The following EFCAB3 variants were observed in gnomAD, a reference collection of about 807,000 sequenced individuals.
EFCAB3 encodes EF-hand calcium binding domain 3.
In EFCAB3, 36 loss-of-function variants were observed where a neutral mutation model predicts 42.2. The ratio of observed to expected loss-of-function variants is 0.85; its 90% CI spans 0.65 to 1.13. EFCAB3 has a LOEUF of 1.13. Ranked by LOEUF, EFCAB3 falls within the 50% of genes most tolerant of loss-of-function variation. The pLI, the probability that EFCAB3 is intolerant of heterozygous loss-of-function variation, is 0.00. For synonymous variants in EFCAB3, 170 were observed against 172.8 expected (o/e 0.98, Z 0.13); for missense variants, 418 against 505.1 (o/e 0.83, Z 1.65).
intron 1 of EFCAB3, chr17:62,381,742 G>A (rs144919445): frequency 5.5e-4 from 174 of 315,456 alleles, no homozygotes; most frequent in African/African-American, 3.6e-3. Context: ...GACATCAAGA[G>A]GATCCTGGAC....
At chr17:62,400,736 A>G (rs1427960250) in intron 6 of EFCAB3, among the ~76,000 whole-genome samples, 1 of 152,208 alleles carries the variant, frequency 6.6e-6, no homozygotes, top group Non-Finnish European at 1.5e-5. Context: ...TCATTTGGGT[A>G]TATACCCAGT....
chr17:62,396,296 T>C (rs1330366488), intron 6 of EFCAB3, among the ~76,000 whole-genome samples: 1 of 152,200 alleles, frequency 6.6e-6, no homozygotes, highest in Admixed American at 6.5e-5. Flanking sequence ...GGCTCATGCC[T>C]GTAATCCCAG....
intron 9 of EFCAB3, among the ~76,000 whole-genome samples, 163 bp from the exon 10 acceptor site, chr17:62,415,840 A>C (rs746486476): frequency 6.6e-6 from 1 of 152,166 alleles, no homozygotes; most frequent in Non-Finnish European, 1.5e-5. Flanking sequence ...TTGATTGTCC[A>C]TCACCTCCTA....
At chr17:62,386,069 A>C (rs2070248110) in intron 2 of EFCAB3, among the ~76,000 whole-genome samples, 1 of 152,024 alleles carries the variant, frequency 6.6e-6, no homozygotes, top group Non-Finnish European at 1.5e-5. Flanking sequence ...CCACAAAACT[A>C]TGAGATTTCA....
intron 1 of EFCAB3, chr17:62,381,626 C>T (rs1858422): frequency 0.096 from 17,495 of 181,412 alleles, 1,172 homozygotes; most frequent in South Asian, 0.22. Context: ...CAAGATCGCA[C>T]GCATGGAGGC....
At chr17:62,381,021 A>G (rs925564848) in intron 1 of EFCAB3, among the ~76,000 whole-genome samples, 2 of 152,092 alleles carry the variant, frequency 1.3e-5, no homozygotes, top group African/African-American at 4.8e-5. Context: ...ATTATACTTT[A>G]AGTTTTAGGG....
At chr17:62,401,387 G>A (rs569386058) in intron 6 of EFCAB3, among the ~76,000 whole-genome samples, 2 of 152,222 alleles carry the variant, frequency 1.3e-5, no homozygotes, top group South Asian at 2.1e-4. Flanking sequence ...GAATGGTATT[G>A]CCTAGGTTTT....
intron 1 of EFCAB3, among the ~76,000 whole-genome samples, chr17:62,370,814 G>C (rs7217093): frequency 0.011 from 1,741 of 152,102 alleles, 40 homozygotes; most frequent in African/African-American, 0.039. Flanking sequence ...GGGGCCAGAC[G>C]TGGTGGCTCA....
In EFCAB3 at chr17:62,390,486, C is replaced by T. The variant is rs139668072; in HGVS notation, c.152-1336C>T. ...CACCCAGAATTACTTTTTCTTTTTTCCATGGTACATACCACCTTCTAAAAT... is the reference window on the plus strand; with the variant it reads ...CACCCAGAATTACTTTTTCTTTTTTTCATGGTACATACCACCTTCTAAAAT... On this transcript the variant is annotated intron_variant, in intron 3 of 9. Transcript: ENST00000305286. Among the ~76,000 whole-genome samples, 724 of 152,104 alleles carry T rather than the reference C, an allele frequency of 4.8e-3. 5 individuals carry two copies. Among genetic ancestry groups the T allele is most frequent in the African/African-American group, 0.015 (642 of 41,500 alleles).
chr17:62,379,617 A>G (rs960346767), upstream of EFCAB3, among the ~76,000 whole-genome samples: 1 of 152,178 alleles, frequency 6.6e-6, no homozygotes, highest in Non-Finnish European at 1.5e-5. Flanking sequence ...CCCCCTGAGC[A>G]GGAATAGGAA....
chr17:62,372,637 C>G (rs1010784613), intron 1 of EFCAB3, among the ~76,000 whole-genome samples: 3 of 152,140 alleles, frequency 2.0e-5, no homozygotes, highest in African/African-American at 4.8e-5. Flanking sequence ...CTCATCTACT[C>G]TCTTTCCAAA....
At chr17:62,414,538 G>T (rs1458897412) in intron 9 of EFCAB3, among the ~76,000 whole-genome samples, 2 of 151,816 alleles carry the variant, frequency 1.3e-5, no homozygotes, top group African/African-American at 2.4e-5. Context: ...CAGCCAACTG[G>T]TTCTCCCCTG....
At chr17:62,412,563 C>G (rs2070508624) in intron 8 of EFCAB3, among the ~76,000 whole-genome samples, 1 of 151,904 alleles carries the variant, frequency 6.6e-6, no homozygotes, top group South Asian at 2.1e-4. Flanking sequence ...CTCCCAGGCT[C>G]AAGCAATCCT....
intron 6 of EFCAB3, chr17:62,397,738 T>G (rs1018416337): frequency 4.3e-6 from 2 of 469,800 alleles, no homozygotes; most frequent in Non-Finnish European, 8.3e-6. Context: ...AAAAAGGTCA[T>G]GCTGGGCCGA....
chr17:62,416,197 G>T lies in EFCAB3; in HGVS notation c.1185G>T (p.Arg395Ser), dbSNP rs145930213. The change falls in exon 10 of 10, where the codon AGG (arginine) becomes AGT (serine). Residue 395 changes from arginine (R) to serine (S), a missense_variant. By Grantham distance (110) the Arg-to-Ser change is moderately radical. Coordinates refer to ENST00000305286, the MANE Select transcript of EFCAB3 (RefSeq NM_173503.4). ...CQELLSPKDL[R>S]LYDAYVNRNS... ...AATTACTTTCTCCTAAGGACTTAAGGTTATATGATGCCTATGTGAATAGAA... is the reference window on the plus strand; with the variant it reads ...AATTACTTTCTCCTAAGGACTTAAGTTTATATGATGCCTATGTGAATAGAA... The T allele has an allele frequency of 7.8e-5, 126 of 1,613,748 alleles. No individual in the cohort carries two copies. The African/African-American group carries it at 1.6e-3, about 21-fold the overall frequency.
intron 8 of EFCAB3, among the ~76,000 whole-genome samples, chr17:62,407,485 T>TC (rs2070458522): frequency 6.6e-6 from 1 of 151,986 alleles, no homozygotes; most frequent in Non-Finnish European, 1.5e-5. Context: ...CTCTGACTGC[T>TC]CCCCCAACCA....
chr17:62,415,355 CA>C (rs1357839827), intron 9 of EFCAB3, among the ~76,000 whole-genome samples: 1 of 152,168 alleles, frequency 6.6e-6, no homozygotes, highest in Non-Finnish European at 1.5e-5. Context: ...ATTTCACTTT[CA>C]TTAGAAACAG....
intron 6 of EFCAB3, among the ~76,000 whole-genome samples, chr17:62,404,090 A>T (rs2070428060): frequency 6.6e-6 from 1 of 152,192 alleles, no homozygotes. Context: ...CTGTCATAAA[A>T]AATTACCACA....
chr17:62,375,032 C>G (rs547460279), intron 2 of EFCAB3, among the ~76,000 whole-genome samples: 2 of 152,052 alleles, frequency 1.3e-5, no homozygotes, highest in Admixed American at 6.6e-5. Context: ...GAGAATTGCT[C>G]GAGCCCAGGA....
Sources: gnomAD v4.1 joint callset for allele counts (sites outside exome capture counted in the v4.1 genomes callset) on GRCh38, gnomAD v4.1.1 for gene constraint, MANE v1.5 for transcripts, NCBI Gene and HGNC (gene_info 2026-07-23, HGNC 2026-07-21) for gene names.